The following CAMK2D variants were observed in gnomAD, a reference collection of about 807,000 sequenced individuals.
CAMK2D encodes the protein calcium/calmodulin-dependent protein kinase type II subunit delta.
In CAMK2D, 37 loss-of-function variants were observed where a neutral mutation model predicts 84.0. The observed-to-expected ratio is 0.44, with a 90% confidence interval of 0.34 to 0.58. CAMK2D has a LOEUF of 0.58. Among genes scored for constraint, CAMK2D ranks in the 20% least tolerant of loss-of-function variants. The pLI is 0.02. For missense variants in CAMK2D, 448 were observed against 652.5 expected, an observed-to-expected ratio of 0.69 and a Z score of 3.41; for synonymous variants, 202 against 212.5, an observed-to-expected ratio of 0.95 and a Z score of 0.43.
intron 16 of CAMK2D, among the ~76,000 whole-genome samples, chr4:113,479,349 C>G (rs1390436341): frequency 3.9e-5 from 6 of 152,060 alleles, no homozygotes; most frequent in Admixed American, 6.5e-5. Flanking sequence ...GCCAATTTTT[C>G]AAAACAGTTG....
chr4:113,587,133 T>C (rs895048077), intron 4 of CAMK2D, among the ~76,000 whole-genome samples: 2 of 152,156 alleles, frequency 1.3e-5, no homozygotes, highest in African/African-American at 4.8e-5. Flanking sequence ...TCTGTGACCT[T>C]AGGTAAAGCA....
chr4:113,493,980 G>GT (rs2097886764), intron 16 of CAMK2D, among the ~76,000 whole-genome samples: 1 of 152,112 alleles, frequency 6.6e-6, no homozygotes, highest in Admixed American at 6.5e-5. Flanking sequence ...TTGAGCCTTG[G>GT]TTTTCAGCTC....
chr4:113,482,191 A>C (rs2097708782), intron 16 of CAMK2D, among the ~76,000 whole-genome samples: 1 of 152,222 alleles, frequency 6.6e-6, no homozygotes, highest in Non-Finnish European at 1.5e-5. Flanking sequence ...TCAATGGCTA[A>C]GAAGCTATGT....
At chr4:113,521,447 G>A (rs2098357529) in intron 8 of CAMK2D, among the ~76,000 whole-genome samples, 1 of 152,032 alleles carries the variant, frequency 6.6e-6, no homozygotes, top group Non-Finnish European at 1.5e-5. Context: ...CTTTTTTCCT[G>A]TTCTAAACTT....
At chr4:113,705,079 C>T (rs1180508831) in intron 2 of CAMK2D, among the ~76,000 whole-genome samples, 7 of 151,234 alleles carry the variant, frequency 4.6e-5, no homozygotes, top group Non-Finnish European at 2.9e-5. Flanking sequence ...CGGTGGCTCA[C>T]GCCTGTAATC....
intron 2 of CAMK2D, among the ~76,000 whole-genome samples, chr4:113,721,789 T>C (rs2099531245): frequency 6.6e-6 from 1 of 152,174 alleles, no homozygotes; most frequent in African/African-American, 2.4e-5. Context: ...ATAAATCCTC[T>C]ATCTGGGGGC....
intron 8 of CAMK2D, among the ~76,000 whole-genome samples, chr4:113,528,514 G>C (rs1317775624): frequency 6.6e-6 from 1 of 152,096 alleles, no homozygotes. Context: ...CACAAAGGCA[G>C]AAGAGGCTGG....
At chr4:113,468,556 G>T (rs1316216381) in intron 16 of CAMK2D, among the ~76,000 whole-genome samples, 1 of 152,178 alleles carries the variant, frequency 6.6e-6, no homozygotes, top group East Asian at 1.9e-4. Context: ...GCTTGTTGTT[G>T]GAACTGTTGC....
At chr4:113,481,840 C>G (rs1449278407) in intron 16 of CAMK2D, among the ~76,000 whole-genome samples, 1 of 152,164 alleles carries the variant, frequency 6.6e-6, no homozygotes, top group African/African-American at 2.4e-5. Context: ...CTTTTGATAA[C>G]ATTTGGTCAG....
intron 4 of CAMK2D, among the ~76,000 whole-genome samples, chr4:113,577,323 T>G (rs1325854150): frequency 1.3e-5 from 2 of 152,342 alleles, no homozygotes; most frequent in African/African-American, 4.8e-5. Flanking sequence ...TTTCTTCATT[T>G]TGTAAAAGTT....
At chr4:113,668,135 T>G (rs908522833) in intron 2 of CAMK2D, among the ~76,000 whole-genome samples, 1 of 152,058 alleles carries the variant, frequency 6.6e-6, no homozygotes, top group African/African-American at 2.4e-5. Flanking sequence ...AAAAAAAAAT[T>G]ACGTGAAAAA....
chr4:113,603,774 TA>T (rs2098965032), intron 4 of CAMK2D, among the ~76,000 whole-genome samples: 2 of 10,084 alleles, frequency 2.0e-4, no homozygotes, highest in Non-Finnish European at 5.5e-4. Flanking sequence ...CTTGCTATTT[TA>T]TATATATATA....
intron 7 of CAMK2D, among the ~76,000 whole-genome samples, chr4:113,536,426 A>T (rs766870941): frequency 1.3e-5 from 2 of 152,110 alleles, no homozygotes; most frequent in Non-Finnish European, 2.9e-5. Context: ...TACATTAGGG[A>T]CTCAGAAAAG....
At chr4:113,462,371 A>AT (rs1236326672) in intron 17 of CAMK2D, among the ~76,000 whole-genome samples, 12 of 98,168 alleles carry the variant, frequency 1.2e-4, no homozygotes, top group African/African-American at 5.0e-4. Context: ...TATCTATCTA[A>AT]TCATCCATCT....
intron 3 of CAMK2D, 84 bp from the exon 4 acceptor site, chr4:113,609,290 T>C (rs2098990133): frequency 1.3e-6 from 1 of 752,610 alleles, no homozygotes; most frequent in Non-Finnish European, 2.4e-6. Context: ...GACATATGTC[T>C]CCTAGCTAGA....
At chr4:113,606,425 G>A (rs1039791276) in intron 4 of CAMK2D, among the ~76,000 whole-genome samples, 3 of 151,428 alleles carry the variant, frequency 2.0e-5, no homozygotes, top group Admixed American at 6.6e-5. Context: ...AGCAGAGATC[G>A]CGCCACTGCA....
At chr4:113,661,567 G>T (rs767773890) in intron 3 of CAMK2D, 146 bp downstream of exon 3, 34 of 444,944 alleles carry the variant, frequency 7.6e-5, no homozygotes, top group Non-Finnish European at 4.1e-5. Flanking sequence ...AAACTTTGAG[G>T]TATCAAATGT....
chr4:113,761,093 T>C lies in CAMK2D; in HGVS notation c.-25A>G. The C allele has an allele frequency of 1.2e-6, 2 of 1,613,762 alleles. No individual in the cohort carries two copies. Among genetic ancestry groups the C allele is most frequent in the South Asian group, 2.2e-5 (2 of 91,088 alleles). On this transcript the variant is annotated 5_prime_UTR_variant, in exon 1 of 21. Coordinates refer to ENST00000511664, the MANE Select transcript of CAMK2D (RefSeq NM_001321571.2). The stretch of plus-strand genomic sequence containing the variant: ...TCCTCGGTCCGGGCTGTGCCCTGGC[T>C]GGGAGCGCGACGGACCAGAAGCGAG...
At chr4:113,496,573 C>T (rs903265069) in intron 16 of CAMK2D, among the ~76,000 whole-genome samples, 8 of 151,762 alleles carry the variant, frequency 5.3e-5, no homozygotes, top group African/African-American at 9.7e-5. Flanking sequence ...CTCAGCCTCC[C>T]GAGTTGCTGG....
Sources: gnomAD v4.1 joint callset for allele counts (sites outside exome capture counted in the v4.1 genomes callset) on GRCh38, gnomAD v4.1.1 for gene constraint, MANE v1.5 for transcripts, NCBI Gene and HGNC (gene_info 2026-07-23, HGNC 2026-07-21) for gene names.